Variants in TRHDE observed in about 807,000 individuals in gnomAD.
TRHDE encodes thyrotropin releasing hormone degrading enzyme.
TRHDE carries 72 observed loss-of-function variants against 125.7 expected under a neutral mutation model. The ratio of observed to expected loss-of-function variants is 0.57; its 90% CI spans 0.47 to 0.70. TRHDE has a LOEUF of 0.70. Ranked by LOEUF, TRHDE falls within the 30% of genes least tolerant of loss-of-function variation. TRHDE has a pLI of 0.00. For missense variants in TRHDE, 1,110 were observed against 1,327.1 expected, an observed-to-expected ratio of 0.84 and a Z score of 2.54; for synonymous variants, 509 against 509.1, an observed-to-expected ratio of 1.00 and a Z score of 0.00.
intron 2 of TRHDE, among the ~76,000 whole-genome samples, chr12:72,201,269 C>T (rs1452841883): frequency 6.6e-6 from 1 of 151,990 alleles, no homozygotes; most frequent in Non-Finnish European, 1.5e-5. Context: ...GAACCAATAA[C>T]AGAGTTGTAA....
chr12:72,488,077 A>G (rs1877496090), intron 5 of TRHDE, among the ~76,000 whole-genome samples: 1 of 152,170 alleles, frequency 6.6e-6, no homozygotes, highest in African/African-American at 2.4e-5. Flanking sequence ...TTCAAATCAC[A>G]AAAGTGGATA....
chr12:72,430,367 A>T (rs1874408978), intron 3 of TRHDE, among the ~76,000 whole-genome samples: 1 of 143,140 alleles, frequency 7.0e-6, no homozygotes, highest in Non-Finnish European at 1.5e-5. Flanking sequence ...ATATACATAT[A>T]TACGTATATA....
At chr12:72,093,653 CT>C (rs1874844151) in intron 1 of TRHDE, among the ~76,000 whole-genome samples, 1 of 152,074 alleles carries the variant, frequency 6.6e-6, no homozygotes, top group South Asian at 2.1e-4. Flanking sequence ...TTCTTCAGCT[CT>C]AGAATTTCTG....
intron 10 of TRHDE, among the ~76,000 whole-genome samples, chr12:72,571,263 A>G (rs1870719452): frequency 6.6e-6 from 1 of 152,172 alleles, no homozygotes; most frequent in Admixed American, 6.5e-5. Flanking sequence ...TTTTCCACAA[A>G]AACATGAAGA....
At chr12:72,629,755 G>A (rs1174483888) in intron 15 of TRHDE, among the ~76,000 whole-genome samples, 1 of 151,538 alleles carries the variant, frequency 6.6e-6, no homozygotes, top group Non-Finnish European at 1.5e-5. Context: ...CTACAAAGAA[G>A]AGATTTCCTT....
At chr12:72,160,287 G>A (rs760083202) in intron 2 of TRHDE, among the ~76,000 whole-genome samples, 1 of 152,134 alleles carries the variant, frequency 6.6e-6, no homozygotes, top group Non-Finnish European at 1.5e-5. Flanking sequence ...CAAAACAGCA[G>A]CATAAGCATC....
At chr12:72,269,211 C>T (rs929571562), upstream of TRHDE, among the ~76,000 whole-genome samples, 4 of 151,928 alleles carry the variant, frequency 2.6e-5, no homozygotes, top group Non-Finnish European at 5.9e-5. Context: ...TTTGGGAAAG[C>T]GTGCTATATA....
intron 3 of TRHDE, among the ~76,000 whole-genome samples, chr12:72,421,869 G>A (rs1873969615): frequency 6.6e-6 from 1 of 151,972 alleles, no homozygotes; most frequent in Admixed American, 6.6e-5. Context: ...CACTGCCTCT[G>A]GATATTTTTG....
chr12:72,148,103 A>G (rs1434042812), intron 2 of TRHDE, among the ~76,000 whole-genome samples: 1 of 152,218 alleles, frequency 6.6e-6, no homozygotes, highest in African/African-American at 2.4e-5. Context: ...TGTATTTTAG[A>G]TGTGACAAAA....
At chr12:72,362,967 G>C (rs1871172138) in intron 2 of TRHDE, among the ~76,000 whole-genome samples, 1 of 152,032 alleles carries the variant, frequency 6.6e-6, no homozygotes, top group African/African-American at 2.4e-5. Context: ...GGTTACTGTA[G>C]ACTTGTAGTA....
rs1462051589 is a variant in TRHDE, at chr12:72,206,855, TATA to T, written n.279+101110_279+101112del. Reference sequence around the variant, plus strand: ...CTTATATATAATATGTTTATCTACATATAATAATATATATAGGAGAAAGTATTT... The same window carrying T: ...CTTATATATAATATGTTTATCTACATATAATATATATAGGAGAAAGTATTT... On this transcript the variant is annotated intron_variant and non_coding_transcript_variant, in intron 2 of 4. Coordinates refer to the TRHDE transcript ENST00000548156. Among the ~76,000 whole-genome samples the T allele has an allele frequency of 3.3e-5, 5 of 151,762 alleles. No individual in the cohort carries two copies. The South Asian group carries it at 8.3e-4, about 25-fold the overall frequency.
chr12:72,397,769 C>T (rs1872859250), intron 3 of TRHDE, among the ~76,000 whole-genome samples: 2 of 152,102 alleles, frequency 1.3e-5, no homozygotes, highest in Non-Finnish European at 2.9e-5. Flanking sequence ...CCCCTGATGA[C>T]ATTATCAAAA....
chr12:72,104,193 T>A (rs1191957261), intron 1 of TRHDE, among the ~76,000 whole-genome samples: 1 of 152,204 alleles, frequency 6.6e-6, no homozygotes, highest in African/African-American at 2.4e-5. Context: ...TATATTTCCC[T>A]TTACCTGCAC....
chr12:72,360,230 AC>A (rs1400226067), intron 2 of TRHDE, among the ~76,000 whole-genome samples: 1 of 151,784 alleles, frequency 6.6e-6, no homozygotes, highest in Non-Finnish European at 1.5e-5. Context: ...CCTAAAGAGA[AC>A]ATTTGATATT....
intron 5 of TRHDE, among the ~76,000 whole-genome samples, chr12:72,488,331 A>C (rs1592483919): frequency 6.6e-6 from 1 of 152,070 alleles, no homozygotes; most frequent in Admixed American, 6.5e-5. Flanking sequence ...CTCCATGTAA[A>C]TTGTAACCAA....
intron 1 of TRHDE, chr12:72,274,842 A>G (rs1879422658): frequency 6.6e-6 from 1 of 152,256 alleles, no homozygotes. Flanking sequence ...CATATAGAGT[A>G]TCCACCATAA....
chr12:72,582,191 TA>T (rs1047283221), intron 12 of TRHDE: 1 of 942,626 alleles, frequency 1.1e-6, no homozygotes, highest in Admixed American at 6.2e-5. Context: ...ATATATAAGT[TA>T]AAAAATAATA....
intron 2 of TRHDE, among the ~76,000 whole-genome samples, chr12:72,318,168 G>C (rs189680928): frequency 6.6e-6 from 1 of 152,144 alleles, no homozygotes; most frequent in Non-Finnish European, 1.5e-5. Flanking sequence ...AGCAATGGGG[G>C]TGTGGTGTGT....
chr12:72,206,536 T>C (rs1378517462), intron 2 of TRHDE, among the ~76,000 whole-genome samples: 1 of 152,216 alleles, frequency 6.6e-6, no homozygotes, highest in Non-Finnish European at 1.5e-5. Flanking sequence ...TATTTATATA[T>C]AATTCCTGTT....
Sources: gnomAD v4.1 joint callset for allele counts (sites outside exome capture counted in the v4.1 genomes callset) on GRCh38, gnomAD v4.1.1 for gene constraint, MANE v1.5 for transcripts, NCBI Gene and HGNC (gene_info 2026-07-23, HGNC 2026-07-21) for gene names.